C17orf99: variants seen among roughly 807,000 people sequenced by gnomAD.
The protein encoded by C17orf99 is chromosome 17 open reading frame 99.
C17orf99 carries 18 observed loss-of-function variants against 22.6 expected under a neutral mutation model. The ratio of observed to expected loss-of-function variants is 0.80; its 90% confidence interval spans 0.55 to 1.18. The LOEUF (loss-of-function observed/expected upper bound fraction) is 1.18, where lower values mean the gene tolerates loss of function less well. C17orf99 is among the 50% of genes most tolerant of loss of function. C17orf99 has a pLI of 0.00. For synonymous variants in C17orf99, 147 were observed against 136.6 expected (o/e 1.08, Z -0.53); for missense variants, 328 against 342.7 (o/e 0.96, Z 0.34).
chr17:78,164,985 A>C, intron 4 of C17orf99: 1 of 1,114,162 alleles, frequency 9.0e-7, no homozygotes, highest in East Asian at 8.9e-5. Context: ...GATTGCAGGG[A>C]TGATGCCTCC....
intron 2 of C17orf99, 116 bp downstream of exon 2, chr17:78,147,027 C>T: frequency 3.4e-6 from 3 of 876,078 alleles, no homozygotes; most frequent in Non-Finnish European, 5.6e-6. Flanking sequence ...GAGGTGTGTG[C>T]TGGAGGATGG....
At chr17:78,149,960 T>C (rs1012123295) in intron 2 of C17orf99, among the ~76,000 whole-genome samples, 9 of 151,822 alleles carry the variant, frequency 5.9e-5, no homozygotes, top group Non-Finnish European at 2.9e-5. Context: ...CTGCCCACCT[T>C]GGCCTCCCAA....
rs548122226 is a variant in C17orf99 at position 78,164,596 on chromosome 17, T to A, written c.640+232T>A. On this transcript the variant is annotated intron_variant, in intron 4 of 4. Transcript: ENST00000340363. ...TTGCCCAGGGCACCCACCATCGTGC[T>A]GGTTGGCAGCCTTGCCTCCACTGCG... The A allele has an allele frequency of 6.4e-4, 979 of 1,524,332 alleles. 2 individuals carry two copies. The highest frequency in any genetic ancestry group is 1.1e-3 in the South Asian group (88 of 83,132). The allele number at this position is 1,524,332 out of a possible 1,614,324, so 94.4% of individuals were successfully genotyped here.
At chr17:78,148,196 G>A (rs543471353) in intron 2 of C17orf99, among the ~76,000 whole-genome samples, 3 of 145,950 alleles carry the variant, frequency 2.1e-5, no homozygotes, top group South Asian at 4.3e-4. Context: ...CAGCCTGACC[G>A]ACACAGTGAG....
chr17:78,147,026 G>A (rs2075442786), intron 2 of C17orf99, 115 bp downstream of exon 2: 2 of 877,288 alleles, frequency 2.3e-6, no homozygotes, highest in African/African-American at 1.7e-5. Flanking sequence ...GGAGGTGTGT[G>A]CTGGAGGATG....
chr17:78,165,243 T>C, intron 4 of C17orf99: 3 of 988,412 alleles, frequency 3.0e-6, no homozygotes, highest in Non-Finnish European at 2.4e-6. Flanking sequence ...CTCTCTTTGT[T>C]TGGGAGACAC....
chr17:78,164,304 T>C lies in C17orf99; in HGVS notation c.580T>C (p.Trp194Arg), dbSNP rs1033602937. 1.3e-6 allele frequency: 2 copies of C among 1,551,620 alleles called. No homozygotes were observed. The highest frequency in any genetic ancestry group is 1.7e-6 in the Non-Finnish European group (2 of 1,147,002). ...GCCGAGCCAGACATCGGACTGGTTC[T>C]GGTGCCAGGCTGCAAACAACGCCAA... is the stretch of plus-strand genomic sequence containing the variant. Reference protein sequence around the residue: ...FLPSQTSDWFWCQAANNANVQ... With the variant: ...FLPSQTSDWFRCQAANNANVQ... Residue 194 changes from tryptophan (W) to arginine (R), a missense_variant, in exon 4 of 5, where the codon TGG (tryptophan) becomes CGG (arginine). Coordinates refer to ENST00000340363, the MANE Select transcript of C17orf99 (RefSeq NM_001163075.2).
upstream of C17orf99, among the ~76,000 whole-genome samples, chr17:78,146,174 A>G (rs774705790): frequency 3.4e-4 from 52 of 152,134 alleles, no homozygotes; most frequent in Non-Finnish European, 6.8e-4. The surrounding 1 kb of genome is among the most constrained non-coding windows in gnomAD (Gnocchi z 5.2). Flanking sequence ...GTCTGGCTTC[A>G]AGGTCCAAAC....
intron 3 of C17orf99, among the ~76,000 whole-genome samples, chr17:78,161,731 C>T (rs907635995): frequency 1.3e-5 from 2 of 151,834 alleles, no homozygotes; most frequent in Non-Finnish European, 2.9e-5. Flanking sequence ...GTAGTTCCAG[C>T]TACTCAGGAG....
At position 78,160,784 on chromosome 17, in the gene C17orf99, T is replaced by A. The variant is rs866328064; in HGVS notation, c.71-171T>A. On this transcript the variant is annotated intron_variant, in intron 2 of 4. Coordinates refer to ENST00000340363, the MANE Select transcript of C17orf99 (RefSeq NM_001163075.2). ...TTTTAGTAGAGACAGACTTTCACCA[T>A]GTTGGCTACACTGGTTTTGAACTCC... The A allele has an allele frequency of 6.6e-6, 4 of 610,206 alleles. No homozygotes were observed. In the Admixed American group the frequency reaches 1.2e-4, roughly 18 times the overall value. 37.8% of individuals were successfully genotyped at this position (610,206 alleles called of 1,614,324 possible). A position where few individuals can be genotyped will look rare whatever the true frequency, so the allele number is the denominator to read the frequency against.
intron 2 of C17orf99, chr17:78,157,913 C>T (rs865811533): frequency 3.4e-6 from 4 of 1,171,000 alleles, no homozygotes; most frequent in Non-Finnish European, 5.0e-6. Flanking sequence ...TGCCAAGGTC[C>T]ACCTGGTTGG....
chr17:78,164,856 T>C (rs919190673), intron 4 of C17orf99: 17 of 1,192,410 alleles, frequency 1.4e-5, no homozygotes, highest in African/African-American at 3.2e-5. Flanking sequence ...ATGTGCCTAC[T>C]GAGGCTTACA....
At chr17:78,163,534 T>C (rs1403594055) in intron 3 of C17orf99, among the ~76,000 whole-genome samples, 1 of 152,216 alleles carries the variant, frequency 6.6e-6, no homozygotes, top group Admixed American at 6.6e-5. Flanking sequence ...TAACTGTATT[T>C]TTATTTGCTA....
chr17:78,164,502 A>G (rs1567823678), intron 4 of C17orf99, 138 bp downstream of exon 4: 1 of 1,539,392 alleles, frequency 6.5e-7, no homozygotes, highest in Non-Finnish European at 8.7e-7. Context: ...CACAGGAGGC[A>G]ACCATGCCCA....
intron 2 of C17orf99, among the ~76,000 whole-genome samples, chr17:78,155,423 T>C (rs1177337020): frequency 1.3e-5 from 2 of 152,034 alleles, no homozygotes; most frequent in African/African-American, 2.4e-5. Flanking sequence ...CACAGACCCT[T>C]CTTTCTACCC....
At chr17:78,161,853 AAAAG>A (rs1464824858) in intron 3 of C17orf99, among the ~76,000 whole-genome samples, 2 of 151,896 alleles carry the variant, frequency 1.3e-5, no homozygotes, top group Non-Finnish European at 1.5e-5. Flanking sequence ...AAAAAAAAGA[AAAAG>A]AAACGAAAAA....
At chr17:78,164,727 G>A (rs918351489) in intron 4 of C17orf99, 141 of 1,329,618 alleles carry the variant, frequency 1.1e-4, no homozygotes, top group Middle Eastern at 2.8e-4. Context: ...GGTCCAACCG[G>A]GCCCTGGCTG....
At chr17:78,147,865 G>A (rs2075448490) in intron 2 of C17orf99, among the ~76,000 whole-genome samples, 1 of 152,200 alleles carries the variant, frequency 6.6e-6, no homozygotes, top group Admixed American at 6.5e-5. Context: ...GTGCAGGGCA[G>A]TTCCGCCTCC....
At chr17:78,156,658 T>C (rs1009403579) in intron 2 of C17orf99, among the ~76,000 whole-genome samples, 11 of 152,172 alleles carry the variant, frequency 7.2e-5, no homozygotes, top group Non-Finnish European at 1.6e-4. Flanking sequence ...TCACCCAGTC[T>C]GGAGTGCAGT....
Sources: allele counts gnomAD v4.1 joint callset (sites outside exome capture counted in the v4.1 genomes callset), GRCh38; gene constraint gnomAD v4.1.1; non-coding constraint Gnocchi (gnomAD v3.1); transcripts MANE v1.5; gene names NCBI Gene and HGNC (gene_info 2026-07-23, HGNC 2026-07-21).